Variants in ABHD2 observed in about 807,000 individuals in gnomAD.
ABHD2 encodes the protein monoacylglycerol lipase ABHD2.
ABHD2 carries 20 observed loss-of-function variants against 48.1 expected under a neutral mutation model. The observed-to-expected ratio is 0.42, with a 90% CI of 0.29 to 0.60. The LOEUF (loss-of-function observed/expected upper bound fraction) is 0.60. Among genes scored for constraint, ABHD2 ranks in the 20% least tolerant of loss-of-function variants. The pLI, the probability that ABHD2 is intolerant of heterozygous loss-of-function variation, is 0.24. For synonymous variants in ABHD2, 209 were observed against 214.2 expected (o/e 0.98, Z 0.21); for missense variants, 405 against 550.9 (o/e 0.74, Z 2.65).
chr15:89,191,302 T>C (rs2051300915), intron 9 of ABHD2, among the ~76,000 whole-genome samples, 153 bp downstream of exon 9: 1 of 152,154 alleles, frequency 6.6e-6, no homozygotes, highest in African/African-American at 2.4e-5. Flanking sequence ...TGAACCAGGC[T>C]CTGTCCCTCT....
chr15:89,121,422 C>T (rs944906788), intron 3 of ABHD2, among the ~76,000 whole-genome samples: 2 of 150,456 alleles, frequency 1.3e-5, no homozygotes, highest in Non-Finnish European at 2.9e-5. Flanking sequence ...TCCCAGCCCC[C>T]GTACTCCTGG....
At chr15:89,145,452 G>C (rs1175317970) in intron 3 of ABHD2, among the ~76,000 whole-genome samples, 2 of 152,192 alleles carry the variant, frequency 1.3e-5, no homozygotes, top group African/African-American at 4.8e-5. Flanking sequence ...GAAATGCCAA[G>C]AGTTGGGGAC....
Position 89,201,824 on chromosome 15 carries a change from G to C in ABHD2, c.*6401G>C. 1 of 1,222,196 alleles carries C rather than the reference G, an allele frequency of 8.2e-7. No homozygotes were observed. The highest frequency in any genetic ancestry group is 2.4e-4 in the Middle Eastern group (1 of 4,236). The allele number at this position is 1,222,196 out of a possible 1,614,324, so 75.7% of individuals were successfully genotyped here. On this transcript the variant is annotated 3_prime_UTR_variant, in exon 11 of 11. Transcript: ENST00000352732. ...CCATTGGAGAGACAGCGCAGAGCAG[G>C]GGGCGGCTTGCTCGCTGGGGGCGGG...
chr15:89,135,993 C>A lies in ABHD2; in HGVS notation c.195-15684C>A, dbSNP rs535429798. ...CCAGGCTGGAGTGCAATGGCGCAAT[C>A]TCAGCTCACTGCAACCTCTGCCTCC... On this transcript the variant is annotated intron_variant, in intron 3 of 10. Coordinates refer to ENST00000352732, the MANE Select transcript of ABHD2 (RefSeq NM_152924.5). The A allele has an allele frequency of 8.8e-5, 26 of 295,018 alleles. No individual in the cohort carries two copies. The Admixed American group carries it at 1.1e-3, about 12-fold the overall frequency. 18.3% of individuals were successfully genotyped at this position (295,018 alleles called of 1,614,324 possible).
the ABHD2 span, among the ~76,000 whole-genome samples, chr15:89,074,787 G>A: frequency 6.6e-6 from 1 of 152,134 alleles, no homozygotes; most frequent in African/African-American, 2.4e-5. Flanking sequence ...CCTCTCACCA[G>A]CGTCTCAAGT....
At position 89,151,714 on chromosome 15, in the gene ABHD2, A is replaced by T. The variant is rs764314636; in HGVS notation, c.232A>T (p.Ile78Phe). 6.2e-7 allele frequency: 1 copy of T among 1,614,234 alleles called. No homozygotes were observed. Among genetic ancestry groups the T allele is most frequent in the Non-Finnish European group, 8.5e-7 (1 of 1,180,032 alleles). The change falls in exon 4 of 11, where the codon ATC becomes TTC. Residue 78 changes from isoleucine to phenylalanine, a missense_variant. By Grantham distance (21) the Ile-to-Phe change is conservative. Transcript: ENST00000352732. The surrounding 1 kb of genome is among the most constrained non-coding windows in gnomAD (Gnocchi z 4.7). ...PPLIWGKSGH[I>F]QTALYGKMGR... ...GTTGATCTGGGGGAAAAGTGGACAC[A>T]TCCAGACAGCCTTGTATGGGAAGAT...
At chr15:89,051,960 C>A in the ABHD2 span, among the ~76,000 whole-genome samples, 1 of 152,164 alleles carries the variant, frequency 6.6e-6, no homozygotes, top group Non-Finnish European at 1.5e-5. Context: ...TATTGGTAGA[C>A]TGAGCCACAG....
At position 89,201,542 on chromosome 15, in the gene ABHD2, C is replaced by G. The variant is rs960172778; in HGVS notation, c.*6119C>G. Reference sequence around the variant, plus strand: ...TAAACTTGTGTTTACTCTTTTCATTCGGATCATAGTCAAAGGGCTGTAGCA... The same window carrying G: ...TAAACTTGTGTTTACTCTTTTCATTGGGATCATAGTCAAAGGGCTGTAGCA... On this transcript the variant is annotated 3_prime_UTR_variant, in exon 11 of 11. Transcript: ENST00000352732. 5 of 1,594,704 alleles carry G rather than the reference C, an allele frequency of 3.1e-6. No individual in the cohort carries two copies. In the Middle Eastern group the frequency reaches 8.3e-4, roughly 265 times the overall value.
rs185003892 is a variant in ABHD2 at position 89,193,730 on chromosome 15, G to A, written c.1081+411G>A. Among the ~76,000 whole-genome samples, 214 of 152,210 alleles carry A rather than the reference G, an allele frequency of 1.4e-3. 3 individuals carry two copies. The highest frequency in any genetic ancestry group is 4.4e-3 in the African/African-American group (182 of 41,526). On this transcript the variant is annotated intron_variant, in intron 10 of 10. Transcript: ENST00000352732. ...TTTGTGAGGCTGCAATGGGAGGATC[G>A]CTTGAGGCCAGGAGTTCAACAGGAG...
chr15:89,069,372 C>G, the ABHD2 span, among the ~76,000 whole-genome samples: 3 of 152,032 alleles, frequency 2.0e-5, no homozygotes, highest in African/African-American at 7.2e-5. Context: ...AAATGATTCT[C>G]CCACTTCAGC....
At position 89,094,013 on chromosome 15, in the gene ABHD2, T is replaced by C. The variant is rs1297005814; in HGVS notation, c.-107+5450T>C. On this transcript the variant is annotated intron_variant, in intron 1 of 10. Transcript: ENST00000352732. The surrounding 1 kb of genome is among the most constrained non-coding windows in gnomAD (Gnocchi z 4.7). Reference sequence around the variant, plus strand: ...GTCTGGTTTAGAGCCACCTGGAAATTGAATGGAATCTTTAGTCTATTAGTC... The same window carrying C: ...GTCTGGTTTAGAGCCACCTGGAAATCGAATGGAATCTTTAGTCTATTAGTC... 2.0e-5 allele frequency: 3 copies of C among 152,242 alleles called. No homozygotes were observed. Among genetic ancestry groups the C allele is most frequent in the African/African-American group, 7.2e-5 (3 of 41,460 alleles). 9.4% of individuals were successfully genotyped at this position (152,242 alleles called of 1,614,324 possible).
rs979241955 is a variant in ABHD2, at chr15:89,199,502, C to T, written c.*4079C>T. 6.6e-6 allele frequency: 1 copy of T among 152,622 alleles called. No individual in the cohort carries two copies. Among genetic ancestry groups the T allele is most frequent in the African/African-American group, 2.4e-5 (1 of 41,444 alleles). The allele number at this position is 152,622 out of a possible 1,614,324, so 9.5% of individuals were successfully genotyped here. A position where few individuals can be genotyped will look rare whatever the true frequency, so the allele number is the denominator to read the frequency against. Reference sequence around the variant, plus strand: ...ATATTGCGGCATTAGAATTCCAACTCTTCTGCTGTGGAAGTTTGAAGCGAA... The same window carrying T: ...ATATTGCGGCATTAGAATTCCAACTTTTCTGCTGTGGAAGTTTGAAGCGAA... On this transcript the variant is annotated 3_prime_UTR_variant, in exon 11 of 11. Coordinates refer to ENST00000352732, the MANE Select transcript of ABHD2 (RefSeq NM_152924.5). The surrounding 1 kb of genome is among the most constrained non-coding windows in gnomAD (Gnocchi z 4.1).
Position 89,137,579 on chromosome 15 carries a change from A to C in ABHD2, c.195-14098A>C, listed in dbSNP as rs28605914. ...AAGAGGATTGCTCTTTTGTTTCCTCAGGCCACTTTTGGTCATTTCAGGCAG... is the reference window on the plus strand; with the variant it reads ...AAGAGGATTGCTCTTTTGTTTCCTCCGGCCACTTTTGGTCATTTCAGGCAG... On this transcript the variant is annotated intron_variant, in intron 3 of 10. Transcript: ENST00000352732. The surrounding 1 kb of genome is among the most constrained non-coding windows in gnomAD (Gnocchi z 4.8). Among the ~76,000 whole-genome samples, 1 of 152,168 alleles carries C rather than the reference A, an allele frequency of 6.6e-6. No individual in the cohort carries two copies. Among genetic ancestry groups the C allele is most frequent in the African/African-American group, 2.4e-5 (1 of 41,420 alleles).
chr15:89,130,615 C>G (rs562012283), intron 3 of ABHD2, among the ~76,000 whole-genome samples: 44 of 152,142 alleles, frequency 2.9e-4, no homozygotes, highest in Non-Finnish European at 5.3e-4. Context: ...AGAACAATAA[C>G]AACAAAATAA....
chr15:89,117,423 T>C (rs1461062410), intron 3 of ABHD2, among the ~76,000 whole-genome samples: 1 of 152,238 alleles, frequency 6.6e-6, no homozygotes, highest in African/African-American at 2.4e-5. Context: ...GTGTCACACA[T>C]ACTGTTTTCA....
At chr15:89,126,468 A>G (rs2050132963) in intron 3 of ABHD2, among the ~76,000 whole-genome samples, 1 of 152,240 alleles carries the variant, frequency 6.6e-6, no homozygotes. Flanking sequence ...TCGAATTTCT[A>G]AGGATAGCCA....
chr15:89,132,363 A>G (rs552776391), intron 3 of ABHD2, among the ~76,000 whole-genome samples: 4 of 152,316 alleles, frequency 2.6e-5, no homozygotes, highest in East Asian at 1.9e-4. Context: ...TCCCTTAACT[A>G]TAGCTAATAA....
chr15:89,103,497 G>A (rs372945400), intron 1 of ABHD2, among the ~76,000 whole-genome samples: 1 of 152,142 alleles, frequency 6.6e-6, no homozygotes, highest in Non-Finnish European at 1.5e-5. Flanking sequence ...GGAATCAAAC[G>A]CAGGTCTCCT....
rs2050596135 is a variant in ABHD2 at position 89,151,809 on chromosome 15, T to C, written c.327T>C (p.Ser109=). ...TCACTATGTCTGATGGAGCCACTTC[T>C]ACATTCGACCTCTTCGAGCCCTTGG... ...KFITMSDGAT[S]TFDLFEPLAE... is the part of the protein sequence containing the mutation. Residue 109 remains serine, a synonymous_variant, in exon 4 of 11, where the codon TCT becomes TCC. Coordinates refer to ENST00000352732, the MANE Select transcript of ABHD2 (RefSeq NM_152924.5). The surrounding 1 kb of genome is among the most constrained non-coding windows in gnomAD (Gnocchi z 4.7). The C allele has an allele frequency of 1.9e-6, 3 of 1,614,248 alleles. No individual in the cohort carries two copies. Among genetic ancestry groups the C allele is most frequent in the Non-Finnish European group, 2.5e-6 (3 of 1,180,038 alleles).
Sources: allele counts gnomAD v4.1 joint callset (sites outside exome capture counted in the v4.1 genomes callset), GRCh38; gene constraint gnomAD v4.1.1; non-coding constraint Gnocchi (gnomAD v3.1); transcripts MANE v1.5; gene names NCBI Gene and HGNC (gene_info 2026-07-23, HGNC 2026-07-21).